The following USH2A variants were observed in gnomAD, a reference collection of about 807,000 sequenced individuals.
The protein encoded by USH2A is Usher syndrome 2A (autosomal recessive, mild).
In USH2A, 443 loss-of-function variants were observed where a neutral mutation model predicts 538.9. That is an observed-to-expected ratio of 0.82 (90% CI 0.76 to 0.89). USH2A has a LOEUF of 0.89. Ranked by LOEUF, USH2A falls within the 40% of genes least tolerant of loss-of-function variation. The pLI, the probability that USH2A is intolerant of heterozygous loss-of-function variation, is 0.00. For synonymous variants in USH2A, 2,413 were observed against 2,273.5 expected, an observed-to-expected ratio of 1.06 and a Z score of -1.75; for missense variants, 6,633 against 6,324.8, an observed-to-expected ratio of 1.05 and a Z score of -1.65.
intron 21 of USH2A, among the ~76,000 whole-genome samples, chr1:216,112,480 G>C (rs1375471320): frequency 6.6e-6 from 1 of 152,050 alleles, no homozygotes; most frequent in Non-Finnish European, 1.5e-5. Context: ...TTTATTTTAG[G>C]TTGTGGGGTA....
At chr1:215,710,484 A>T (rs1391744624) in intron 61 of USH2A, among the ~76,000 whole-genome samples, 1 of 152,170 alleles carries the variant, frequency 6.6e-6, no homozygotes, top group Admixed American at 6.5e-5. Flanking sequence ...TCTTATGTAC[A>T]TCTCAACTGC....
At chr1:216,138,636 G>A (rs1324544547) in intron 21 of USH2A, among the ~76,000 whole-genome samples, 1 of 152,068 alleles carries the variant, frequency 6.6e-6, no homozygotes, top group East Asian at 1.9e-4. Flanking sequence ...CTGATCACTT[G>A]ATGGACTTTT....
chr1:216,315,489 T>C (rs1181536139), intron 9 of USH2A, among the ~76,000 whole-genome samples: 1 of 152,052 alleles, frequency 6.6e-6, no homozygotes, highest in Non-Finnish European at 1.5e-5. Flanking sequence ...TAAGAGAACG[T>C]TTGGGAGAGT....
At chr1:215,726,075 C>G (rs897990548) in intron 61 of USH2A, among the ~76,000 whole-genome samples, 2 of 152,104 alleles carry the variant, frequency 1.3e-5, no homozygotes, top group Admixed American at 1.3e-4. Flanking sequence ...CATTATAATC[C>G]TGATGCCTTC....
At chr1:216,286,627 G>A (rs1228523988) in intron 11 of USH2A, among the ~76,000 whole-genome samples, 1 of 152,062 alleles carries the variant, frequency 6.6e-6, no homozygotes, top group Non-Finnish European at 1.5e-5. Context: ...AGGAGGCCGA[G>A]GCAGGAGAAT....
chr1:216,178,708 T>C (rs1032948381), intron 20 of USH2A, among the ~76,000 whole-genome samples: 2 of 152,120 alleles, frequency 1.3e-5, no homozygotes, highest in Non-Finnish European at 2.9e-5. Flanking sequence ...TACTGTCCAA[T>C]AGAACTTTCT....
chr1:216,223,243 G>A (rs1011413092), intron 14 of USH2A, among the ~76,000 whole-genome samples: 3 of 152,012 alleles, frequency 2.0e-5, no homozygotes, highest in Non-Finnish European at 4.4e-5. Flanking sequence ...CTGAAACCTG[G>A]ATATCCTGAT....
intron 67 of USH2A, among the ~76,000 whole-genome samples, chr1:215,643,275 G>A (rs1656746348): frequency 6.6e-6 from 1 of 152,154 alleles, no homozygotes; most frequent in Admixed American, 6.5e-5. Context: ...TGAGATTACA[G>A]GCGTGAGACA....
intron 30 of USH2A, among the ~76,000 whole-genome samples, chr1:216,052,243 G>C (rs1230030831): frequency 6.6e-6 from 1 of 151,960 alleles, no homozygotes; most frequent in Non-Finnish European, 1.5e-5. Flanking sequence ...AAAGAAAGAT[G>C]CTGGAGAGAA....
rs559807791 is a variant in USH2A, at chr1:215,788,902, T to C, written c.10182+1157A>G. 7.3e-5 allele frequency among the ~76,000 whole-genome samples: 9 copies of C among 123,646 alleles called. No individual in the cohort carries two copies. The East Asian group carries it at 2.1e-3, about 28-fold the overall frequency. The allele number at this position is 123,646 out of a possible 152,430, so 81.1% of individuals were successfully genotyped here. A position where few individuals can be genotyped will look rare whatever the true frequency, so the allele number is the denominator to read the frequency against. Reference sequence around the variant, plus strand: ...CAAGAAGATAATTCTCCAAATGGAATGAAACTTGGAATCCAAAACAAAACA... The same window carrying C: ...CAAGAAGATAATTCTCCAAATGGAACGAAACTTGGAATCCAAAACAAAACA... On this transcript the variant is annotated intron_variant, in intron 51 of 71. Coordinates refer to ENST00000307340, the MANE Select transcript of USH2A (RefSeq NM_206933.4).
intron 61 of USH2A, among the ~76,000 whole-genome samples, chr1:215,685,332 GTTTT>G (rs10716020): frequency 0.14 from 19,858 of 145,030 alleles, 1,518 homozygotes; most frequent in Middle Eastern, 0.15. Context: ...ATTCAAATCA[GTTTT>G]TTTTTTTTGT....
chr1:216,028,365 CGACA>C (rs1437626523), intron 32 of USH2A, among the ~76,000 whole-genome samples: 2 of 150,184 alleles, frequency 1.3e-5, no homozygotes, highest in Non-Finnish European at 3.0e-5. Context: ...CCAGCCTGGG[CGACA>C]GAGTGAGACC....
intron 35 of USH2A, among the ~76,000 whole-genome samples, chr1:215,977,944 G>T (rs994965025): frequency 2.0e-5 from 3 of 152,104 alleles, no homozygotes; most frequent in Non-Finnish European, 4.4e-5. Context: ...TGAGCAATGT[G>T]GCAAAGCCCT....
intron 27 of USH2A, 37 bp from the exon 28 acceptor site, chr1:216,073,337 C>A: frequency 3.8e-6 from 6 of 1,564,798 alleles, no homozygotes; most frequent in Non-Finnish European, 4.4e-6. Flanking sequence ...GCATAAAGGG[C>A]TTGAGTCATT....
intron 20 of USH2A, among the ~76,000 whole-genome samples, chr1:216,188,331 G>A (rs2102653192): frequency 6.6e-6 from 1 of 151,830 alleles, no homozygotes. Context: ...TAGTTTCTAG[G>A]GACGGGCATG....
intron 21 of USH2A, among the ~76,000 whole-genome samples, chr1:216,158,169 G>C (rs1022094048): frequency 1.3e-5 from 2 of 152,054 alleles, no homozygotes; most frequent in Admixed American, 1.3e-4. Context: ...ACCAGTTTTT[G>C]ATTATTAGAA....
At chr1:216,075,817 C>T (rs1484208214) in intron 27 of USH2A, among the ~76,000 whole-genome samples, 1 of 149,930 alleles carries the variant, frequency 6.7e-6, no homozygotes, top group East Asian at 2.0e-4. Flanking sequence ...GAAAATTAGT[C>T]TTGTATCTGG....
intron 30 of USH2A, among the ~76,000 whole-genome samples, chr1:216,065,500 A>G (rs1431577796): frequency 1.3e-5 from 2 of 152,242 alleles, no homozygotes; most frequent in Non-Finnish European, 1.5e-5. Context: ...TTTTTAAAAA[A>G]TGACAAAACT....
At chr1:216,113,137 TA>T (rs71159901) in intron 21 of USH2A, among the ~76,000 whole-genome samples, 49,370 of 126,908 alleles carry the variant, frequency 0.39, 8,062 homozygotes, top group Middle Eastern at 0.47. Flanking sequence ...CTCCAAATGA[TA>T]AAAAAAAAAA....
Sources: gnomAD v4.1 joint callset for allele counts (sites outside exome capture counted in the v4.1 genomes callset) on GRCh38, gnomAD v4.1.1 for gene constraint, MANE v1.5 for transcripts, NCBI Gene and HGNC (gene_info 2026-07-23, HGNC 2026-07-21) for gene names.